NIPSNAP3B: variants seen among roughly 807,000 people sequenced by gnomAD.
NIPSNAP3B encodes nipsnap homolog 3B, also known as protein NipSnap homolog 3B.
Under a neutral mutation model 31.5 loss-of-function variants are expected in NIPSNAP3B, and 30 were observed. The observed-to-expected ratio is 0.95, with a 90% CI of 0.71 to 1.29. The LOEUF is 1.29. Among genes scored for constraint, NIPSNAP3B ranks in the 50% most tolerant of loss-of-function variants. The probability of loss-of-function intolerance (pLI) is 0.00; values close to 1 mark genes in which losing one functional copy is unlikely to be tolerated. For missense variants in NIPSNAP3B, 269 were observed against 300.7 expected, an observed-to-expected ratio of 0.89 and a Z score of 0.78; for synonymous variants, 106 against 107.9, an observed-to-expected ratio of 0.98 and a Z score of 0.11.
chr9:104,778,316 C>T (rs1407999950), downstream of NIPSNAP3B, among the ~76,000 whole-genome samples: 1 of 152,018 alleles, frequency 6.6e-6, no homozygotes, highest in East Asian at 1.9e-4. Context: ...CTGAAACCTC[C>T]GCCTCCCAGG....
In NIPSNAP3B at chr9:104,776,314, T is replaced by G. The variant is rs902429297; in HGVS notation, c.*3241T>G. Among the ~76,000 whole-genome samples the G allele has an allele frequency of 6.6e-6, 1 of 152,164 alleles. No homozygotes were observed. The highest frequency in any genetic ancestry group is 1.5e-5 in the Non-Finnish European group (1 of 68,026). ...ATGCCTCCTCAGGTCTTTGCCCTCA[T>G]GAAGCCTTCCCTGACAACCCTATTT... is the stretch of plus-strand genomic sequence containing the variant. On this transcript the variant is annotated 3_prime_UTR_variant, in exon 6 of 6. Coordinates refer to ENST00000374762, the MANE Select transcript of NIPSNAP3B (RefSeq NM_018376.4).
the NIPSNAP3B span, chr9:104,790,883 A>G: frequency 7.4e-7 from 1 of 1,356,804 alleles, no homozygotes; most frequent in Non-Finnish European, 1.1e-6. Context: ...ATTAAAAACA[A>G]AGTCTTTGCA....
chr9:104,788,055 C>G, the NIPSNAP3B span: 2 of 1,614,158 alleles, frequency 1.2e-6, no homozygotes, highest in South Asian at 1.1e-5. Flanking sequence ...ACTCACCAAC[C>G]TACAGTGATA....
intron 1 of NIPSNAP3B, 29 bp from the exon 2 acceptor site, chr9:104,766,296 G>T (rs745465773): frequency 6.3e-7 from 1 of 1,584,762 alleles, no homozygotes; most frequent in South Asian, 1.1e-5. Context: ...ACCTTCCCAA[G>T]ATATTTACAT....
rs1390081250 is a variant in NIPSNAP3B, at chr9:104,776,389, G to T, written c.*3316G>T. Among the ~76,000 whole-genome samples the T allele has an allele frequency of 7.1e-5, 4 of 56,192 alleles. No individual in the cohort carries two copies. Among genetic ancestry groups the T allele is most frequent in the Non-Finnish European group, 1.6e-4 (4 of 24,736 alleles). The allele number at this position is 56,192 out of a possible 152,430, so 36.9% of individuals were successfully genotyped here. A position where few individuals can be genotyped will look rare whatever the true frequency, so the allele number is the denominator to read the frequency against. On this transcript the variant is annotated 3_prime_UTR_variant, in exon 6 of 6. Transcript: ENST00000374762. ...GGCCCCTATCTGCTAGAGACTGAAT[G>T]TTTTTGTCCCCCCAAAATTCCTATG...
chr9:104,766,027 G>C (rs1195115985), intron 1 of NIPSNAP3B, among the ~76,000 whole-genome samples: 19 of 152,156 alleles, frequency 1.2e-4, no homozygotes, highest in Admixed American at 1.2e-3. Context: ...CTTAAATGTA[G>C]TTCTTCGGTA....
At chr9:104,769,469 A>AAAAC (rs1419201824) in intron 3 of NIPSNAP3B, among the ~76,000 whole-genome samples, 41 of 151,734 alleles carry the variant, frequency 2.7e-4, no homozygotes, top group Non-Finnish European at 5.6e-4. Flanking sequence ...AAAAAAAAAA[A>AAAAC]AAGAGAATTA....
rs887459740 is a variant in NIPSNAP3B at position 104,774,708 on chromosome 9, T to A, written c.*1635T>A. On this transcript the variant is annotated 3_prime_UTR_variant, in exon 6 of 6. Transcript: ENST00000374762. ...TGGTTTAAATCATATACCTTATTCTTCATACTTAGCTCCAAGTAGATTATG... is the reference window on the plus strand; with the variant it reads ...TGGTTTAAATCATATACCTTATTCTACATACTTAGCTCCAAGTAGATTATG... Among the ~76,000 whole-genome samples, 2 of 152,192 alleles carry A rather than the reference T, an allele frequency of 1.3e-5. No individual in the cohort carries two copies. The highest frequency in any genetic ancestry group is 4.8e-5 in the African/African-American group (2 of 41,446).
At position 104,770,453 on chromosome 9, in the gene NIPSNAP3B, T is replaced by C. The variant is rs375736245; in HGVS notation, c.431-396T>C. ...TTGAAAAGGAGAAGGAAATGTAGGA[T>C]ATCAGAAAGTACTTCTCTTATGCAT... On this transcript the variant is annotated intron_variant, in intron 3 of 5. Transcript: ENST00000374762. 4.6e-5 allele frequency among the ~76,000 whole-genome samples: 7 copies of C among 152,190 alleles called. No homozygotes were observed. In the East Asian group the frequency reaches 5.8e-4, roughly 13 times the overall value.
downstream of NIPSNAP3B, chr9:104,782,490 A>G (rs917390496): frequency 6.6e-6 from 1 of 152,168 alleles, no homozygotes; most frequent in Non-Finnish European, 1.5e-5. Flanking sequence ...TAGTTCTCTC[A>G]TATTTTTCTT....
chr9:104,770,766 A>C (rs948167628), intron 3 of NIPSNAP3B, 83 bp from the exon 4 acceptor site: 1 of 1,188,748 alleles, frequency 8.4e-7, no homozygotes, highest in African/African-American at 1.5e-5. Context: ...TTCATTGGTT[A>C]GCCTTCTAAT....
intron 4 of NIPSNAP3B, 151 bp downstream of exon 4, chr9:104,771,149 A>G (rs1466403965): frequency 1.6e-6 from 1 of 616,244 alleles, no homozygotes; most frequent in Non-Finnish European, 2.7e-6. Context: ...ATCTTATTTT[A>G]CATCTTATTT....
intron 3 of NIPSNAP3B, 97 bp downstream of exon 3, chr9:104,769,118 T>C: frequency 1.2e-6 from 1 of 852,226 alleles, no homozygotes; most frequent in Non-Finnish European, 1.7e-6. Flanking sequence ...AAATATATAA[T>C]TCTTTGTTTT....
At chr9:104,783,360 GTC>G in the NIPSNAP3B span, 1 of 152,156 alleles carries the variant, frequency 6.6e-6, no homozygotes, top group Non-Finnish European at 1.5e-5. Context: ...ATACACTTGT[GTC>G]AGATAAACAT....
At chr9:104,786,281 G>T in the NIPSNAP3B span, 6 of 1,601,270 alleles carry the variant, frequency 3.7e-6, no homozygotes, top group African/African-American at 1.3e-5. Context: ...CTATCCCAAA[G>T]AAATTATCTT....
chr9:104,785,044 G>A, the NIPSNAP3B span, among the ~76,000 whole-genome samples: 9 of 152,162 alleles, frequency 5.9e-5, no homozygotes, highest in African/African-American at 2.2e-4. Flanking sequence ...GAAGAGGGAA[G>A]AAAATATTTA....
chr9:104,772,926 G>A lies in NIPSNAP3B; in HGVS notation c.667+18G>A. The A allele has an allele frequency of 6.2e-7, 1 of 1,613,720 alleles. No homozygotes were observed. The highest frequency in any genetic ancestry group is 8.5e-7 in the Non-Finnish European group (1 of 1,179,806). ...GGCGGCTGGTAAGCTGTTTCACTAA[G>A]CACGAATTATTTTTAGAACAAATGT... On this transcript the variant is annotated intron_variant, in intron 5 of 5. Coordinates refer to ENST00000374762, the MANE Select transcript of NIPSNAP3B (RefSeq NM_018376.4).
chr9:104,787,410 C>T, the NIPSNAP3B span, among the ~76,000 whole-genome samples: 1 of 151,730 alleles, frequency 6.6e-6, no homozygotes, highest in Non-Finnish European at 1.5e-5. Context: ...GTTAGCCTTA[C>T]AGAAACAAAT....
the NIPSNAP3B span, chr9:104,783,020 ACT>A: frequency 2.6e-5 from 4 of 152,590 alleles, no homozygotes; most frequent in Non-Finnish European, 5.9e-5. Context: ...TACAGCATAC[ACT>A]CAAAAAATAT....
Sources: allele counts gnomAD v4.1 joint callset (sites outside exome capture counted in the v4.1 genomes callset), GRCh38; gene constraint gnomAD v4.1.1; transcripts MANE v1.5; gene names NCBI Gene and HGNC (gene_info 2026-07-23, HGNC 2026-07-21).